REDIC1: variants seen among roughly 807,000 people sequenced by gnomAD.
REDIC1 encodes the protein HEI10 Interacting Protein 1.
the REDIC1 span, among the ~76,000 whole-genome samples, chr12:39,708,090 G>A: frequency 6.6e-6 from 1 of 151,756 alleles, no homozygotes; most frequent in East Asian, 1.9e-4. Context: ...ATAAGATCTA[G>A]TATTTGCTAG....
chr12:39,864,611 C>A, the REDIC1 span: 2 of 1,044,146 alleles, frequency 1.9e-6, no homozygotes, highest in East Asian at 5.5e-5. Flanking sequence ...CTAGGGGCCC[C>A]TCTCTACCAC....
chr12:39,907,931 C>G, the REDIC1 span: 1 of 143,776 alleles, frequency 7.0e-6, no homozygotes, highest in South Asian at 2.1e-4. Flanking sequence ...CACTTTCCAC[C>G]TTTACAACTA....
At chr12:39,745,778 G>A in the REDIC1 span, 50 of 152,334 alleles carry the variant, frequency 3.3e-4, no homozygotes, top group African/African-American at 9.1e-4. Flanking sequence ...GCTATGCTAT[G>A]CAGAGGTTCA....
the REDIC1 span, among the ~76,000 whole-genome samples, chr12:39,675,679 CA>C: frequency 3.9e-5 from 6 of 152,196 alleles, no homozygotes; most frequent in Non-Finnish European, 8.8e-5. Context: ...AAACTACAAC[CA>C]AGGACTCCCA....
At chr12:39,738,107 G>A in the REDIC1 span, among the ~76,000 whole-genome samples, 15 of 152,186 alleles carry the variant, frequency 9.9e-5, no homozygotes, top group South Asian at 4.1e-4. Context: ...AAGACCTATC[G>A]GAAGTCTTTT....
chr12:39,893,837 A>G, the REDIC1 span, among the ~76,000 whole-genome samples: 1 of 152,236 alleles, frequency 6.6e-6, no homozygotes, highest in African/African-American at 2.4e-5. Context: ...GATTCTGTTA[A>G]TAAGTGAAAA....
the REDIC1 span, among the ~76,000 whole-genome samples, chr12:39,805,249 C>T: frequency 6.6e-6 from 1 of 152,146 alleles, no homozygotes; most frequent in Non-Finnish European, 1.5e-5. Flanking sequence ...GAGTGTTGAA[C>T]AGAAAGTGGT....
chr12:39,670,463 T>G, the REDIC1 span, among the ~76,000 whole-genome samples: 2 of 152,218 alleles, frequency 1.3e-5, no homozygotes, highest in Non-Finnish European at 2.9e-5. Flanking sequence ...AGTACTGGGA[T>G]TAGAGGCATG....
chr12:39,886,474 A>G, the REDIC1 span, among the ~76,000 whole-genome samples: 3 of 152,302 alleles, frequency 2.0e-5, no homozygotes, highest in South Asian at 4.1e-4. Context: ...GCAATTATCT[A>G]TCAGTCAGCA....
At chr12:39,859,330 T>C in the REDIC1 span, among the ~76,000 whole-genome samples, 1 of 110,144 alleles carries the variant, frequency 9.1e-6, no homozygotes, top group Non-Finnish European at 1.7e-5. Flanking sequence ...TTTTTTTTTT[T>C]CTGAAAAAAA....
At chr12:39,689,630 A>G in the REDIC1 span, among the ~76,000 whole-genome samples, 1 of 152,178 alleles carries the variant, frequency 6.6e-6, no homozygotes, top group African/African-American at 2.4e-5. Flanking sequence ...GGCACATTTC[A>G]GGTTGGAGGG....
the REDIC1 span, among the ~76,000 whole-genome samples, chr12:39,859,333 G>C: frequency 1.6e-5 from 1 of 62,010 alleles, no homozygotes; most frequent in Non-Finnish European, 2.8e-5. Context: ...TTTTTTTTCT[G>C]AAAAAAAAAA....
the REDIC1 span, among the ~76,000 whole-genome samples, chr12:39,875,336 T>C: frequency 6.6e-6 from 1 of 152,200 alleles, no homozygotes; most frequent in Admixed American, 6.5e-5. Context: ...ATTTGTCAAG[T>C]CCCTCTCATG....
the REDIC1 span, chr12:39,757,179 A>G: frequency 3.3e-5 from 5 of 151,784 alleles, no homozygotes; most frequent in Non-Finnish European, 7.4e-5. Context: ...TCCAGCCTCA[A>G]TAGGGATTTG....
the REDIC1 span, among the ~76,000 whole-genome samples, chr12:39,841,689 C>T: frequency 1.3e-5 from 2 of 151,784 alleles, no homozygotes; most frequent in South Asian, 4.2e-4. Context: ...TGTATATAAT[C>T]AACACATACA....
the REDIC1 span, among the ~76,000 whole-genome samples, chr12:39,728,512 G>T: frequency 6.6e-6 from 1 of 152,256 alleles, no homozygotes; most frequent in East Asian, 1.9e-4. Context: ...GATCATGATG[G>T]ATAAGCTTTT....
chr12:39,744,380 A>G, the REDIC1 span, among the ~76,000 whole-genome samples: 1 of 152,240 alleles, frequency 6.6e-6, no homozygotes, highest in African/African-American at 2.4e-5. Flanking sequence ...TGCACAAAAA[A>G]TGGAAAATCA....
chr12:39,688,889 T>C, the REDIC1 span, among the ~76,000 whole-genome samples: 1 of 152,192 alleles, frequency 6.6e-6, no homozygotes, highest in African/African-American at 2.4e-5. Context: ...GTTGATGGGA[T>C]TGTGCTACTG....
the REDIC1 span, among the ~76,000 whole-genome samples, chr12:39,785,592 G>A: frequency 3.9e-5 from 6 of 152,146 alleles, no homozygotes; most frequent in Non-Finnish European, 8.8e-5. Flanking sequence ...TGTGAGAAGA[G>A]GGCCACCATC....
Sources: allele counts gnomAD v4.1 joint callset (sites outside exome capture counted in the v4.1 genomes callset), GRCh38; gene constraint gnomAD v4.1.1; transcripts MANE v1.5; gene names NCBI Gene and HGNC (gene_info 2026-07-23, HGNC 2026-07-21).